C18orf54: variants seen among roughly 807,000 people sequenced by gnomAD.
C18orf54 encodes chromosome 18 open reading frame 54.
In C18orf54, 49 loss-of-function variants were observed where a neutral mutation model predicts 49.3. That is an observed-to-expected ratio of 0.99 (90% CI 0.79 to 1.26). The LOEUF is 1.26. Ranked by LOEUF, C18orf54 falls within the 50% of genes most tolerant of loss-of-function variation. C18orf54 has a pLI of 0.00. For synonymous variants in C18orf54, 211 were observed against 216.6 expected (o/e 0.97, Z 0.23); for missense variants, 687 against 620.6 (o/e 1.11, Z -1.14).
intron 6 of C18orf54, among the ~76,000 whole-genome samples, chr18:54,366,782 G>A (rs2089395433): frequency 6.7e-6 from 1 of 150,058 alleles, no homozygotes; most frequent in Non-Finnish European, 1.5e-5. Flanking sequence ...AACACTTTGG[G>A]TGGCCAAGGT....
In C18orf54 at chr18:54,379,495, T is replaced by C. The variant is rs1167481025; in HGVS notation, c.*1249T>C. Reference sequence around the variant, plus strand: ...ATGTCAAACACTACAGTGAGCTCTGTGGGGTTTTTTTTTTTTTTTTTTGCC... The same window carrying C: ...ATGTCAAACACTACAGTGAGCTCTGCGGGGTTTTTTTTTTTTTTTTTTGCC... On this transcript the variant is annotated 3_prime_UTR_variant, in exon 9 of 9. Transcript: ENST00000620105. 6.9e-6 allele frequency: 1 copy of C among 144,076 alleles called. No individual in the cohort carries two copies. Among genetic ancestry groups the C allele is most frequent in the African/African-American group, 2.8e-5 (1 of 35,802 alleles). The allele number at this position is 144,076 out of a possible 1,614,324, so 8.9% of individuals were successfully genotyped here. A position where few individuals can be genotyped will look rare whatever the true frequency, so the allele number is the denominator to read the frequency against.
chr18:54,371,379 T>TG (rs1233806801), intron 6 of C18orf54, among the ~76,000 whole-genome samples: 3 of 152,208 alleles, frequency 2.0e-5, no homozygotes, highest in African/African-American at 7.2e-5. Flanking sequence ...ATTTTGTTTA[T>TG]TCATTCATCT....
In C18orf54 at chr18:54,362,106, T is replaced by C. The variant is rs1258793574; in HGVS notation, c.747T>C (p.Asn249=). 2 of 1,538,148 alleles carry C rather than the reference T, an allele frequency of 1.3e-6. No individual in the cohort carries two copies. The highest frequency in any genetic ancestry group is 2.7e-5 in the African/African-American group (2 of 73,032). The part of the protein sequence containing the change: ...RWLTSQKSDL[N]VSGITSIPDF... Reference sequence around the variant, plus strand: ...TCACTAGCCAGAAATCTGACCTTAATGTTTCAGGGATAACTAGTATACCTG... The same window carrying C: ...TCACTAGCCAGAAATCTGACCTTAACGTTTCAGGGATAACTAGTATACCTG... Residue 249 remains asparagine, a synonymous_variant, in exon 4 of 9, where the codon AAT becomes AAC. Coordinates refer to ENST00000620105, the MANE Select transcript of C18orf54 (RefSeq NM_001288980.2).
At chr18:54,374,894 T>C (rs917738108) in intron 8 of C18orf54, among the ~76,000 whole-genome samples, 1 of 151,978 alleles carries the variant, frequency 6.6e-6, no homozygotes, top group Non-Finnish European at 1.5e-5. Context: ...GTTTCTACTC[T>C]AGTCACACCA....
chr18:54,361,633 C>A lies in C18orf54; in HGVS notation c.284-10C>A, dbSNP rs780177946. The A allele has an allele frequency of 6.4e-7, 1 of 1,569,032 alleles. No individual in the cohort carries two copies. The highest frequency in any genetic ancestry group is 8.6e-7 in the Non-Finnish European group (1 of 1,160,860). On this transcript the variant is annotated splice_polypyrimidine_tract_variant and intron_variant, in intron 3 of 8. Transcript: ENST00000620105. ...GTATGTAATAAACAAAACTGTTCTT[C>A]GTTTTTCAGCTTTTGAAAACCTTGA...
intron 7 of C18orf54, 123 bp from the exon 8 acceptor site, chr18:54,374,091 A>C (rs1483748992): frequency 3.3e-5 from 30 of 899,758 alleles, no homozygotes; most frequent in Non-Finnish European, 4.4e-5. Flanking sequence ...ATACTCTTGA[A>C]AATTAGAATT....
In C18orf54 at chr18:54,362,235, T is replaced by C; in HGVS notation, c.876T>C (p.His292=). Residue 292 remains histidine, a synonymous_variant, in exon 4 of 9, where the codon CAT becomes CAC. Coordinates refer to ENST00000620105, the MANE Select transcript of C18orf54 (RefSeq NM_001288980.2). Reference sequence around the variant, plus strand: ...AAGATGATCAGTGTTCCCCTAGACATAGTCATCAGGCACAAGGAACTTCTC... The same window carrying C: ...AAGATGATCAGTGTTCCCCTAGACACAGTCATCAGGCACAAGGAACTTCTC... ...IFKDDQCSPR[H]SHQAQGTSRL... 6.5e-7 allele frequency: 1 copy of C among 1,536,454 alleles called. No homozygotes were observed. Among genetic ancestry groups the C allele is most frequent in the Non-Finnish European group, 8.7e-7 (1 of 1,146,932 alleles).
chr18:54,362,144 C>G lies in C18orf54; in HGVS notation c.785C>G (p.Pro262Arg), dbSNP rs1672869403. The G allele has an allele frequency of 6.5e-7, 1 of 1,536,304 alleles. No homozygotes were observed. The highest frequency in any genetic ancestry group is 8.7e-7 in the Non-Finnish European group (1 of 1,146,906). ...GITSIPDFKY[P>R]VWLHNQDLLP... ...ACTAGTATACCTGATTTCAAATACCCAGTCTGGCTGCACAATCAAGACTTG... is the reference window on the plus strand; with the variant it reads ...ACTAGTATACCTGATTTCAAATACCGAGTCTGGCTGCACAATCAAGACTTG... Residue 262 changes from proline to arginine, a missense_variant, in exon 4 of 9, where the codon CCA becomes CGA. Coordinates refer to ENST00000620105, the MANE Select transcript of C18orf54 (RefSeq NM_001288980.2).
chr18:54,365,074 G>A (rs1217356222), intron 5 of C18orf54, among the ~76,000 whole-genome samples: 2 of 151,972 alleles, frequency 1.3e-5, no homozygotes, highest in African/African-American at 2.4e-5. Context: ...TTTATTAAAT[G>A]TACTAGGTAC....
intron 7 of C18orf54, among the ~76,000 whole-genome samples, chr18:54,373,151 T>C (rs574805862): frequency 6.6e-6 from 1 of 151,960 alleles, no homozygotes; most frequent in African/African-American, 2.4e-5. Flanking sequence ...ATGATGAATT[T>C]TTTCCCACAA....
intron 2 of C18orf54, 135 bp downstream of exon 2, chr18:54,359,005 A>T (rs2089206140): frequency 6.6e-6 from 1 of 152,210 alleles, no homozygotes; most frequent in South Asian, 2.1e-4. Context: ...AAGCAGGATG[A>T]TGAGTACATA....
rs927985483 is a variant in C18orf54 at position 54,372,520 on chromosome 18, A to T, written c.1381A>T (p.Met461Leu). The T allele has an allele frequency of 6.2e-7, 1 of 1,611,052 alleles. No homozygotes were observed. Among genetic ancestry groups the T allele is most frequent in the Non-Finnish European group, 8.5e-7 (1 of 1,178,044 alleles). The change falls in exon 7 of 9, where the codon ATG (methionine) becomes TTG (leucine). Residue 461 changes from methionine to leucine, a missense_variant. Transcript: ENST00000620105. ...HHGPVEALKQ[M>L]LFNLQAVQER... ...TGGTCCTGTTGAAGCCCTGAAACAAATGTTATTTAACCTTCAAGCAGTACA... is the reference window on the plus strand; with the variant it reads ...TGGTCCTGTTGAAGCCCTGAAACAATTGTTATTTAACCTTCAAGCAGTACA...
At chr18:54,371,532 G>C (rs1371449253) in intron 6 of C18orf54, among the ~76,000 whole-genome samples, 1 of 152,060 alleles carries the variant, frequency 6.6e-6, no homozygotes, top group Non-Finnish European at 1.5e-5. Flanking sequence ...GGATCATTCA[G>C]TAATTCTATG....
chr18:54,376,693 G>T (rs775187906), intron 8 of C18orf54, among the ~76,000 whole-genome samples: 49 of 152,288 alleles, frequency 3.2e-4, no homozygotes, highest in Non-Finnish European at 5.6e-4. Context: ...GTGAATTATT[G>T]TCACTTAGTC....
intron 6 of C18orf54, among the ~76,000 whole-genome samples, chr18:54,369,466 CTTTTTTTTTTTTT>C (rs140753589): frequency 2.2e-5 from 2 of 89,152 alleles, no homozygotes; most frequent in African/African-American, 4.6e-5. Flanking sequence ...TTGTATATTG[CTTTTTTTTTTTTT>C]TTTTTTTTTG....
At position 54,378,202 on chromosome 18, in the gene C18orf54, G is replaced by A; in HGVS notation, c.1558G>A (p.Asp520Asn). 1 of 1,613,542 alleles carries A rather than the reference G, an allele frequency of 6.2e-7. No homozygotes were observed. Among genetic ancestry groups the A allele is most frequent in the Non-Finnish European group, 8.5e-7 (1 of 1,179,698 alleles). ...TTTGCACCATTTATCTCGCCTGAGA[G>A]ACCTGGTTGATGATACGAATGGAGA... ...KALHHLSRLR[D>N]LVDDTNGERS... Residue 520 changes from aspartate to asparagine, a missense_variant, in exon 9 of 9, where the codon GAC becomes AAC. Physicochemically the swap from Asp to Asn is conservative, Grantham distance 23 (BLOSUM62 1). Transcript: ENST00000620105.
chr18:54,366,437 A>T (rs1401956049), intron 6 of C18orf54, among the ~76,000 whole-genome samples: 2 of 151,994 alleles, frequency 1.3e-5, no homozygotes, highest in Admixed American at 6.5e-5. Flanking sequence ...CCAGAGTCAT[A>T]CATTTTGTCA....
In C18orf54 at chr18:54,362,870, C is replaced by T; in HGVS notation, c.1172C>T (p.Ser391Leu). ...KSMKKDDSPC[S>L]LDKLEADRSW... ...ATGAAAAAGGATGACAGTCCTTGCT[C>T]ATTAGATAAACTTGAAGCAGACAGA... The change falls in exon 5 of 9, where the codon TCA becomes TTA. Residue 391 changes from serine (S) to leucine (L), a missense_variant. Physicochemically the swap from Ser to Leu is moderately radical, Grantham distance 145. Coordinates refer to ENST00000620105, the MANE Select transcript of C18orf54 (RefSeq NM_001288980.2). 2 of 1,612,180 alleles carry T rather than the reference C, an allele frequency of 1.2e-6. No homozygotes were observed. The highest frequency in any genetic ancestry group is 8.5e-7 in the Non-Finnish European group (1 of 1,179,600).
In C18orf54 at chr18:54,362,896, T is replaced by C; in HGVS notation, c.1198T>C (p.Ser400Pro). 1.9e-6 allele frequency: 3 copies of C among 1,601,238 alleles called. No individual in the cohort carries two copies. Among genetic ancestry groups the C allele is most frequent in the Non-Finnish European group, 2.5e-6 (3 of 1,177,304 alleles). The change falls in exon 5 of 9, where the codon TCA becomes CCA. Residue 400 changes from serine to proline, a missense_variant. Physicochemically the swap from Ser to Pro is moderately conservative, Grantham distance 74. Coordinates refer to ENST00000620105, the MANE Select transcript of C18orf54 (RefSeq NM_001288980.2). ...ATTAGATAAACTTGAAGCAGACAGATCATGGGAAAATATTCCTGTTACTTT... is the reference window on the plus strand; with the variant it reads ...ATTAGATAAACTTGAAGCAGACAGACCATGGGAAAATATTCCTGTTACTTT... ...CSLDKLEADR[S>P]WENIPVTFKS...
Sources: allele counts gnomAD v4.1 joint callset (sites outside exome capture counted in the v4.1 genomes callset), GRCh38; gene constraint gnomAD v4.1.1; transcripts MANE v1.5; gene names NCBI Gene and HGNC (gene_info 2026-07-23, HGNC 2026-07-21).